FAM120A: variants seen among roughly 807,000 people sequenced by gnomAD.
FAM120A encodes the protein family with sequence similarity 120 member A, also known as constitutive coactivator of PPAR-gamma-like protein 1.
FAM120A carries 15 observed loss-of-function variants against 109.7 expected under a neutral mutation model. That is an observed-to-expected ratio of 0.14 (90% CI 0.09 to 0.21). The LOEUF is 0.21. Ranked by LOEUF, FAM120A falls within the 10% of genes least tolerant of loss-of-function variation. The pLI is 1.00. For synonymous variants in FAM120A, 493 were observed against 572.8 expected, an observed-to-expected ratio of 0.86 and a Z score of 1.99; for missense variants, 899 against 1,439.3, an observed-to-expected ratio of 0.62 and a Z score of 6.07.
chr9:93,494,595 C>T (rs181253555), intron 3 of FAM120A, among the ~76,000 whole-genome samples: 34 of 152,254 alleles, frequency 2.2e-4, no homozygotes, highest in Admixed American at 3.9e-4. Flanking sequence ...ATTTCTTGGT[C>T]GGGCAGCTCT....
At chr9:93,554,120 TACACACACAC>T (rs10672125) in intron 12 of FAM120A, among the ~76,000 whole-genome samples, 974 of 87,436 alleles carry the variant, frequency 0.011, 15 homozygotes, top group Admixed American at 0.03. Context: ...GGCCATTTGA[TACACACACAC>T]ACACACACAC....
chr9:93,479,443 A>T (rs945806938), intron 3 of FAM120A, among the ~76,000 whole-genome samples: 1 of 152,208 alleles, frequency 6.6e-6, no homozygotes, highest in Admixed American at 6.5e-5. Flanking sequence ...AACAATAATA[A>T]ATTTGGCTTT....
chr9:93,508,475 G>A (rs763527376), intron 5 of FAM120A, among the ~76,000 whole-genome samples: 6 of 152,154 alleles, frequency 3.9e-5, no homozygotes, highest in South Asian at 2.1e-4. Flanking sequence ...TTCCTGCAAC[G>A]CCCAGTGACT....
chr9:93,564,135 ATC>A (rs1862561661), intron 17 of FAM120A, 92 bp from the exon 18 acceptor site: 1 of 1,274,006 alleles, frequency 7.8e-7, no homozygotes, highest in Non-Finnish European at 1.1e-6. Context: ...CTGCTCTTGA[ATC>A]TGCAGAGAGT....
Position 93,471,145 on chromosome 9 carries a change from C to G in FAM120A, c.479C>G (p.Ala160Gly), listed in dbSNP as rs936783603. Residue 160 changes from alanine to glycine, a missense_variant, in exon 2 of 18, where the codon GCA (alanine) becomes GGA (glycine). Physicochemically the swap from Ala to Gly is moderately conservative, Grantham distance 60 (BLOSUM62 0). Transcript: ENST00000277165. ...AGTTTTTTTCTCGTTTGCCAGGTTGCACAGAGCATTGAGGATCACCATCAG... is the reference window on the plus strand; with the variant it reads ...AGTTTTTTTCTCGTTTGCCAGGTTGGACAGAGCATTGAGGATCACCATCAG... Reference protein sequence around the residue: ...LALIRFHVKVAQSIEDHHQEV... With the variant: ...LALIRFHVKVGQSIEDHHQEV... The G allele has an allele frequency of 6.2e-7, 1 of 1,613,976 alleles. No homozygotes were observed. Among genetic ancestry groups the G allele is most frequent in the African/African-American group, 1.3e-5 (1 of 74,912 alleles).
intron 7 of FAM120A, among the ~76,000 whole-genome samples, chr9:93,526,603 C>CT (rs1157349902): frequency 6.6e-6 from 1 of 152,124 alleles, no homozygotes; most frequent in African/African-American, 2.4e-5. Flanking sequence ...TTTGTGCCAT[C>CT]TCGCTTTGCC....
chr9:93,488,367 C>G (rs953149405), intron 3 of FAM120A, among the ~76,000 whole-genome samples: 2 of 152,080 alleles, frequency 1.3e-5, no homozygotes, highest in African/African-American at 4.8e-5. Flanking sequence ...TCAGCCTCAT[C>G]ATAATCCTCC....
Position 93,451,856 on chromosome 9 carries a change from C to A in FAM120A, c.-60C>A. On this transcript the variant is annotated 5_prime_UTR_variant, in exon 1 of 18. Transcript: ENST00000277165. ...GCCAGCCCGCCCGCGCGCCACGGCCCCACCACCCCCGGCCCCGCCGCCCCC... is the reference window on the plus strand; with the variant it reads ...GCCAGCCCGCCCGCGCGCCACGGCCACACCACCCCCGGCCCCGCCGCCCCC... The A allele has an allele frequency of 1.0e-6, 1 of 998,992 alleles. No individual in the cohort carries two copies. The highest frequency in any genetic ancestry group is 1.2e-6 in the Non-Finnish European group (1 of 836,654). The allele number at this position is 998,992 out of a possible 1,614,324, so 61.9% of individuals were successfully genotyped here. A position where few individuals can be genotyped will look rare whatever the true frequency, so the allele number is the denominator to read the frequency against.
chr9:93,467,140 A>G lies in FAM120A; in HGVS notation c.475-4001A>G, dbSNP rs192109397. Among the ~76,000 whole-genome samples, 3 of 151,530 alleles carry G rather than the reference A, an allele frequency of 2.0e-5. No individual in the cohort carries two copies. In the East Asian group the frequency reaches 5.9e-4, roughly 30 times the overall value. On this transcript the variant is annotated intron_variant, in intron 1 of 17. Transcript: ENST00000277165. ...ATTCTGTGTGATGTACAATTGTATGAGTTTCGACAAATGCTGAGTCATCTT... is the reference window on the plus strand; with the variant it reads ...ATTCTGTGTGATGTACAATTGTATGGGTTTCGACAAATGCTGAGTCATCTT...
chr9:93,506,628 C>T (rs1001427071), intron 5 of FAM120A, among the ~76,000 whole-genome samples: 4 of 150,932 alleles, frequency 2.7e-5, no homozygotes, highest in South Asian at 2.1e-4. Flanking sequence ...GATGGAGTCT[C>T]GCTCTGTCGC....
rs1192262416 is a variant in FAM120A at position 93,512,550 on chromosome 9, C to G, written c.1031-3117C>G. Among the ~76,000 whole-genome samples, 9 of 149,240 alleles carry G rather than the reference C, an allele frequency of 6.0e-5. No homozygotes were observed. The South Asian group carries it at 1.7e-3, about 28-fold the overall frequency. ...TCAGTCTGCATATTTTTTTTTTTAC[C>G]GAAAGCCCACCTCTCTAGTAAGTGT... is the stretch of plus-strand genomic sequence containing the variant. On this transcript the variant is annotated intron_variant, in intron 5 of 17. Coordinates refer to ENST00000277165, the MANE Select transcript of FAM120A (RefSeq NM_014612.5).
intron 15 of FAM120A, among the ~76,000 whole-genome samples, chr9:93,560,741 A>C (rs1225887376): frequency 6.6e-6 from 1 of 152,246 alleles, no homozygotes; most frequent in Admixed American, 6.5e-5. Flanking sequence ...TGTTCAGTTA[A>C]GGTAGTAAAC....
At chr9:93,535,630 C>A (rs1240651239) in intron 10 of FAM120A, among the ~76,000 whole-genome samples, 4 of 152,106 alleles carry the variant, frequency 2.6e-5, no homozygotes, top group Non-Finnish European at 4.4e-5. Flanking sequence ...GAATCTAGGT[C>A]TTTATAGGGA....
chr9:93,527,134 T>C, intron 7 of FAM120A, 21 bp from the exon 8 acceptor site: 2 of 1,608,992 alleles, frequency 1.2e-6, no homozygotes, highest in South Asian at 1.1e-5. Context: ...TGGACAGTAA[T>C]CATGTTCATT....
In FAM120A at chr9:93,561,089, T is replaced by C; in HGVS notation, c.2807-20T>C. 1 of 1,611,620 alleles carries C rather than the reference T, an allele frequency of 6.2e-7. No individual in the cohort carries two copies. The highest frequency in any genetic ancestry group is 8.5e-7 in the Non-Finnish European group (1 of 1,179,256). On this transcript the variant is annotated intron_variant, in intron 15 of 17. Transcript: ENST00000277165. ...TCTGTGATTGTAAAGATTTTGTCTT[T>C]TTGTATATTTTTTATGCAGGAGTCC... is the stretch of plus-strand genomic sequence containing the variant.
In FAM120A at chr9:93,558,654, A is replaced by G. The variant is rs773602802; in HGVS notation, c.2742A>G (p.Ala914=). Residue 914 remains alanine, a synonymous_variant, in exon 15 of 18, where the codon GCA becomes GCG. Coordinates refer to ENST00000277165, the MANE Select transcript of FAM120A (RefSeq NM_014612.5). ...TGPYRAFRVA[A]ASGHCGAFSG... is the part of the protein sequence containing the mutation. ...CTTACCGTGCCTTCCGTGTGGCGGC[A>G]GCATCGGGACACTGCGGAGCCTTCT... The G allele has an allele frequency of 3.7e-6, 6 of 1,614,052 alleles. No homozygotes were observed. The African/African-American group carries it at 6.7e-5, about 18-fold the overall frequency.
chr9:93,523,643 G>A (rs1274505139), intron 7 of FAM120A, among the ~76,000 whole-genome samples: 1 of 152,182 alleles, frequency 6.6e-6, no homozygotes, highest in Non-Finnish European at 1.5e-5. Context: ...AGGTGTCTCT[G>A]AACCCTCACT....
At chr9:93,513,756 G>A (rs1218994137) in intron 5 of FAM120A, among the ~76,000 whole-genome samples, 3 of 152,214 alleles carry the variant, frequency 2.0e-5, no homozygotes, top group African/African-American at 4.8e-5. Flanking sequence ...CACTCCCAGC[G>A]TCTGTTGACC....
intron 17 of FAM120A, among the ~76,000 whole-genome samples, chr9:93,563,075 G>C (rs74625569): frequency 6.6e-5 from 10 of 152,324 alleles, no homozygotes; most frequent in African/African-American, 2.4e-4. Context: ...TTTAGGGTTG[G>C]AAGGTAAAAT....
Sources: gnomAD v4.1 joint callset for allele counts (sites outside exome capture counted in the v4.1 genomes callset) on GRCh38, gnomAD v4.1.1 for gene constraint, MANE v1.5 for transcripts, NCBI Gene and HGNC (gene_info 2026-07-23, HGNC 2026-07-21) for gene names.